BTG4: variants seen among roughly 807,000 people sequenced by gnomAD.
BTG4 encodes the protein BTG anti-proliferation factor 4, also known as protein BTG4.
BTG4 carries 10 observed loss-of-function variants against 19.3 expected under a neutral mutation model. The ratio of observed to expected loss-of-function variants is 0.52; its 90% confidence interval spans 0.32 to 0.88. The LOEUF (loss-of-function observed/expected upper bound fraction) is 0.88, where lower values mean the gene tolerates loss of function less well. BTG4 is among the 40% of genes least tolerant of loss of function. The pLI is 0.04. For missense variants in BTG4, 238 were observed against 281.9 expected, an observed-to-expected ratio of 0.84 and a Z score of 1.11; for synonymous variants, 91 against 95.7, an observed-to-expected ratio of 0.95 and a Z score of 0.29.
chr11:111,509,319 G>T (rs1364085720), intron 1 of BTG4, among the ~76,000 whole-genome samples: 1 of 152,164 alleles, frequency 6.6e-6, no homozygotes, highest in African/African-American at 2.4e-5. Flanking sequence ...CTATCAAGAA[G>T]TTTAATAATC....
intron 5 of BTG4, among the ~76,000 whole-genome samples, chr11:111,486,164 G>A (rs1865048805): frequency 6.6e-6 from 1 of 152,172 alleles, no homozygotes; most frequent in African/African-American, 2.4e-5. Context: ...AACATTTAAA[G>A]AACTATGATG....
At chr11:111,502,138 A>AT (rs879740173) in intron 1 of BTG4, among the ~76,000 whole-genome samples, 63 of 143,562 alleles carry the variant, frequency 4.4e-4, no homozygotes, top group East Asian at 8.0e-4. Context: ...TACCCCAGAC[A>AT]TTTTTTTTTT....
chr11:111,474,673 T>C (rs1017280710), intron 5 of BTG4, among the ~76,000 whole-genome samples: 6 of 152,162 alleles, frequency 3.9e-5, no homozygotes, highest in African/African-American at 1.4e-4. Context: ...GCCAGGTACA[T>C]ACTTAGGACT....
At chr11:111,445,660 A>G in the BTG4 span, among the ~76,000 whole-genome samples, 1 of 152,190 alleles carries the variant, frequency 6.6e-6, no homozygotes, top group Non-Finnish European at 1.5e-5. Flanking sequence ...TCTGATTTTT[A>G]ATTTAAACTT....
the BTG4 span, chr11:111,454,181 G>A: frequency 6.4e-4 from 269 of 423,280 alleles, no homozygotes; most frequent in Admixed American, 1.9e-3. Flanking sequence ...GATCTGTAGG[G>A]AAGCTCATAT....
Position 111,467,582 on chromosome 11 carries a change from C to A in BTG4, c.*90G>T. On this transcript the variant is annotated 3_prime_UTR_variant, in exon 6 of 6. Transcript: ENST00000356018. ...GCTCCAGAAATCACCCTGAAGATTT[C>A]TTCTCATCTTCCTGCCATGGAAGCC... is the stretch of plus-strand genomic sequence containing the variant. 2 of 706,908 alleles carry A rather than the reference C, an allele frequency of 2.8e-6. 1 individual carries two copies. Among genetic ancestry groups the A allele is most frequent in the South Asian group, 3.2e-5 (2 of 61,946 alleles). 43.8% of individuals were successfully genotyped at this position (706,908 alleles called of 1,614,324 possible). A position where few individuals can be genotyped will look rare whatever the true frequency, so the allele number is the denominator to read the frequency against.
chr11:111,459,217 G>A, the BTG4 span, among the ~76,000 whole-genome samples: 1 of 151,942 alleles, frequency 6.6e-6, no homozygotes, highest in Non-Finnish European at 1.5e-5. Context: ...ACTCCAGTCT[G>A]GGTGACGGTG....
chr11:111,395,308 C>T, the BTG4 span, among the ~76,000 whole-genome samples: 2 of 152,202 alleles, frequency 1.3e-5, no homozygotes, highest in East Asian at 3.9e-4. Flanking sequence ...CTGTCACCTC[C>T]GCAGGCCCCC....
chr11:111,464,803 C>T (rs1413663999), downstream of BTG4: 2 of 152,160 alleles, frequency 1.3e-5, no homozygotes, highest in African/African-American at 2.4e-5. Context: ...TCTCTCTACC[C>T]CCACACTAAA....
At chr11:111,420,912 G>T in the BTG4 span, among the ~76,000 whole-genome samples, 1 of 152,172 alleles carries the variant, frequency 6.6e-6, no homozygotes, top group South Asian at 2.1e-4. Flanking sequence ...GACTTTGAGA[G>T]TACATGATGG....
downstream of BTG4, among the ~76,000 whole-genome samples, chr11:111,466,063 T>C (rs982546675): frequency 5.3e-5 from 8 of 152,216 alleles, no homozygotes; most frequent in African/African-American, 1.9e-4. Context: ...CTTGTAATTT[T>C]GAGAGTAATT....
chr11:111,419,736 T>C, the BTG4 span, among the ~76,000 whole-genome samples: 1 of 152,202 alleles, frequency 6.6e-6, no homozygotes, highest in Non-Finnish European at 1.5e-5. Flanking sequence ...AGACAGGAAC[T>C]GACATGGAGC....
intron 4 of BTG4, 53 bp downstream of exon 4, chr11:111,497,158 T>C: frequency 2.0e-6 from 3 of 1,506,728 alleles, no homozygotes; most frequent in African/African-American, 1.4e-5. Context: ...GAGTGCATTC[T>C]TTTTAGAATT....
intron 5 of BTG4, among the ~76,000 whole-genome samples, chr11:111,473,081 GA>G (rs149225761): frequency 1.1e-3 from 145 of 132,342 alleles, no homozygotes; most frequent in East Asian, 1.3e-3. Context: ...GCCTAGAAGT[GA>G]AAAAAAAAAA....
At chr11:111,419,518 A>G in the BTG4 span, among the ~76,000 whole-genome samples, 6 of 152,372 alleles carry the variant, frequency 3.9e-5, no homozygotes, top group South Asian at 1.2e-3. Context: ...AATACGGAAG[A>G]GAGAAAGAAA....
chr11:111,438,387 G>A, the BTG4 span, among the ~76,000 whole-genome samples: 1 of 152,188 alleles, frequency 6.6e-6, no homozygotes, highest in Non-Finnish European at 1.5e-5. Context: ...TTCTCAACAG[G>A]AATTCCTTGG....
chr11:111,507,635 C>T (rs969982451), intron 1 of BTG4, among the ~76,000 whole-genome samples: 1 of 152,112 alleles, frequency 6.6e-6, no homozygotes, highest in African/African-American at 2.4e-5. Flanking sequence ...CTCTTGAATT[C>T]GTAAGCGTAT....
In BTG4 at chr11:111,486,850, G is replaced by A. The variant is rs1215763873; in HGVS notation, c.662+8313C>T. Among the ~76,000 whole-genome samples, 6 of 152,222 alleles carry A rather than the reference G, an allele frequency of 3.9e-5. No individual in the cohort carries two copies. The East Asian group carries it at 1.2e-3, about 29-fold the overall frequency. On this transcript the variant is annotated intron_variant, in intron 5 of 5. Transcript: ENST00000356018. ...TTATTTCAAGTTTGGTGATACATGT[G>A]CAGGACGTGCAGGTTTGTTATATAG...
Position 111,495,229 on chromosome 11 carries a change from C to G in BTG4, c.596G>C (p.Gly199Ala). The G allele has an allele frequency of 6.2e-7, 1 of 1,612,938 alleles. No homozygotes were observed. The highest frequency in any genetic ancestry group is 8.5e-7 in the Non-Finnish European group (1 of 1,179,606). ...NVVDGRVGLLGNTYHGSQKHP... is the reference protein window; with the variant it reads ...NVVDGRVGLLANTYHGSQKHP... ...CTTCTGCGAGCCATGGTAAGTGTTT[C>G]CCAGGAGGCCAACACGGCCGTCCAC... The change falls in exon 5 of 5, where the codon GGA (glycine) becomes GCA (alanine). Residue 199 changes from glycine (G) to alanine (A), a missense_variant. Physicochemically the swap from Gly to Ala is moderately conservative, Grantham distance 60 (BLOSUM62 0). Coordinates refer to ENST00000692032, the MANE Select transcript of BTG4 (RefSeq NM_001367975.1).
Sources: gnomAD v4.1 joint callset for allele counts (sites outside exome capture counted in the v4.1 genomes callset) on GRCh38, gnomAD v4.1.1 for gene constraint, MANE v1.5 for transcripts, NCBI Gene and HGNC (gene_info 2026-07-23, HGNC 2026-07-21) for gene names.